Variants in SPTBN1 observed in about 807,000 individuals in gnomAD.
SPTBN1 encodes spectrin beta, non-erythrocytic 1, also known as spectrin beta chain, non-erythrocytic 1.
Under a neutral mutation model 266.4 loss-of-function variants are expected in SPTBN1, and 32 were observed. That is an observed-to-expected ratio of 0.12 (90% CI 0.09 to 0.16). The LOEUF (loss-of-function observed/expected upper bound fraction) is 0.16. SPTBN1 is among the 10% of genes least tolerant of loss of function. The pLI is 1.00. For synonymous variants in SPTBN1, 1,336 were observed against 1,162.2 expected, an observed-to-expected ratio of 1.15 and a Z score of -3.04; for missense variants, 2,296 against 3,067.1, an observed-to-expected ratio of 0.75 and a Z score of 5.94.
intron 2 of SPTBN1, among the ~76,000 whole-genome samples, chr2:54,538,396 T>G (rs544621155): frequency 6.6e-6 from 1 of 152,226 alleles, no homozygotes; most frequent in African/African-American, 2.4e-5. Context: ...CTAGATTCTT[T>G]AGCAGTACAG....
chr2:54,460,504 T>C (rs546245933), intron 1 of SPTBN1, among the ~76,000 whole-genome samples: 3 of 152,260 alleles, frequency 2.0e-5, no homozygotes, highest in East Asian at 3.9e-4. Flanking sequence ...GAAAAAGGCA[T>C]TGGTTTTGAG....
intron 1 of SPTBN1, among the ~76,000 whole-genome samples, chr2:54,485,178 C>CCCTCTCCCTCTCCCTCCGTCTG (rs1668292525): frequency 1.3e-5 from 2 of 151,772 alleles, no homozygotes; most frequent in Non-Finnish European, 2.9e-5. Flanking sequence ...CCCTCCGTCT[C>CCCTCTCCCTCTCCCTCCGTCTG]CCTCTCCGTC....
Position 54,519,490 on chromosome 2 carries a change from A to C in SPTBN1, c.-47-6882A>C, listed in dbSNP as rs79885499. On this transcript the variant is annotated intron_variant, in intron 1 of 35. Transcript: ENST00000356805. Reference sequence around the variant, plus strand: ...CTGAGCTAGGATTTGCAGGAAGAGCAAAGAGCTGTTCCAGGTGATAGGTTT... The same window carrying C: ...CTGAGCTAGGATTTGCAGGAAGAGCCAAGAGCTGTTCCAGGTGATAGGTTT... Among the ~76,000 whole-genome samples the C allele has an allele frequency of 1.4e-4, 22 of 152,306 alleles. No homozygotes were observed. In the East Asian group the frequency reaches 3.7e-3, roughly 25 times the overall value.
intron 1 of SPTBN1, among the ~76,000 whole-genome samples, chr2:54,522,657 A>AG (rs1245688322): frequency 3.5e-4 from 31 of 89,550 alleles, no homozygotes; most frequent in South Asian, 2.9e-3. Context: ...AGAGAGAGAG[A>AG]AAGAGAGAGA....
In SPTBN1 at chr2:54,642,064, T is replaced by A. The variant is rs890372228; in HGVS notation, c.3859-919T>A. Among the ~76,000 whole-genome samples the A allele has an allele frequency of 3.3e-5, 5 of 152,308 alleles. No homozygotes were observed. In the South Asian group the frequency reaches 1.0e-3, roughly 32 times the overall value. ...CAGGCTGGCTCTGCATTCTTTTGTG[T>A]ATCTTCAGCCTGGGCAAACAAAAAG... On this transcript the variant is annotated intron_variant, in intron 18 of 35. Transcript: ENST00000356805.
intron 3 of SPTBN1, among the ~76,000 whole-genome samples, chr2:54,608,698 G>T (rs555119060): frequency 2.6e-5 from 4 of 151,214 alleles, no homozygotes; most frequent in African/African-American, 9.7e-5. Flanking sequence ...GTGCATGCGC[G>T]CACGAGTGCG....
In SPTBN1 at chr2:54,659,225, G is replaced by A. The variant is rs773205225; in HGVS notation, c.6315G>A (p.Pro2105=). 1.9e-5 allele frequency: 30 copies of A among 1,613,962 alleles called. No homozygotes were observed. Among genetic ancestry groups the A allele is most frequent in the East Asian group, 1.3e-4 (6 of 44,884 alleles). ...ERKRRPPSPE[P]STKVSEEAES... The stretch of plus-strand genomic sequence containing the variant: ...AGAGGCGGCCGCCTTCTCCCGAGCC[G>A]AGCACGAAGGTTTCAGAGGAAGCCG... Residue 2105 remains proline (P), a synonymous_variant, in exon 31 of 36, where the codon CCG becomes CCA. Coordinates refer to ENST00000356805, the MANE Select transcript of SPTBN1 (RefSeq NM_003128.3).
At chr2:54,651,574 T>G (rs1680293307) in intron 26 of SPTBN1, among the ~76,000 whole-genome samples, 1 of 152,234 alleles carries the variant, frequency 6.6e-6, no homozygotes, top group Admixed American at 6.5e-5. Flanking sequence ...GCTGTGGGAA[T>G]GACACATAGC....
chr2:54,636,379 TAACA>T (rs1679135405), intron 17 of SPTBN1, among the ~76,000 whole-genome samples: 1 of 152,234 alleles, frequency 6.6e-6, no homozygotes, highest in Non-Finnish European at 1.5e-5. Flanking sequence ...TATGATGTTA[TAACA>T]TGTAAATATG....
chr2:54,569,245 G>A (rs1673890612), intron 2 of SPTBN1, among the ~76,000 whole-genome samples: 1 of 152,176 alleles, frequency 6.6e-6, no homozygotes, highest in Non-Finnish European at 1.5e-5. Context: ...TGATGGAAGG[G>A]TTGTGGCCAG....
At chr2:54,633,420 TGTGTGC>T (rs1422971949) in intron 17 of SPTBN1, among the ~76,000 whole-genome samples, 1 of 138,780 alleles carries the variant, frequency 7.2e-6, no homozygotes, top group Non-Finnish European at 1.6e-5. Flanking sequence ...TGTGTGTGTG[TGTGTGC>T]GTGTGTGTGT....
At position 54,493,416 on chromosome 2, in the gene SPTBN1, G is replaced by GGGGGGC. The variant is rs563809123; in HGVS notation, c.-47-32954_-47-32953insGGGCGG. Among the ~76,000 whole-genome samples, 12 of 150,416 alleles carry GGGGGGC rather than the reference G, an allele frequency of 8.0e-5. No individual in the cohort carries two copies. In the East Asian group the frequency reaches 1.4e-3, roughly 18 times the overall value. On this transcript the variant is annotated intron_variant, in intron 1 of 35. Coordinates refer to ENST00000356805, the MANE Select transcript of SPTBN1 (RefSeq NM_003128.3). ...TGTGTTTTGTGTTTTCTTTTTTGGG[G>GGGGGGC]GGTTGGGGGAGACAGTCTAACTCTT...
chr2:54,666,501 C>T (rs1474358823), intron 34 of SPTBN1, among the ~76,000 whole-genome samples: 1 of 152,184 alleles, frequency 6.6e-6, no homozygotes, highest in South Asian at 2.1e-4. Flanking sequence ...TCAAGTGAGT[C>T]ATCCTGGAGC....
intron 34 of SPTBN1, 128 bp from the exon 35 acceptor site, chr2:54,667,476 C>A: frequency 2.5e-6 from 2 of 797,570 alleles, no homozygotes; most frequent in Non-Finnish European, 4.0e-6. Context: ...TTGGTGGTGA[C>A]ATATGTAGGT....
chr2:54,666,669 G>A (rs961669190), intron 34 of SPTBN1, among the ~76,000 whole-genome samples: 2 of 152,190 alleles, frequency 1.3e-5, no homozygotes, highest in African/African-American at 4.8e-5. Context: ...GCTAAGCTCA[G>A]AATTTCTCCT....
chr2:54,619,693 T>C (rs1403084582), intron 7 of SPTBN1, among the ~76,000 whole-genome samples: 1 of 152,228 alleles, frequency 6.6e-6, no homozygotes, highest in African/African-American at 2.4e-5. Flanking sequence ...GTTGATTAAA[T>C]TGTATACCTA....
intron 1 of SPTBN1, among the ~76,000 whole-genome samples, chr2:54,471,949 C>G (rs1356760979): frequency 6.7e-6 from 1 of 149,414 alleles, no homozygotes; most frequent in Non-Finnish European, 1.5e-5. Context: ...TGTAGTTCTT[C>G]TGCTCTGCTC....
chr2:54,474,773 A>T (rs1352247594), intron 1 of SPTBN1, among the ~76,000 whole-genome samples: 2 of 152,118 alleles, frequency 1.3e-5, no homozygotes, highest in Non-Finnish European at 2.9e-5. Context: ...AATGGATGAG[A>T]TTCCTTGTGA....
intron 1 of SPTBN1, among the ~76,000 whole-genome samples, chr2:54,467,013 C>T (rs999341442): frequency 4.0e-5 from 6 of 151,828 alleles, no homozygotes; most frequent in African/African-American, 7.3e-5. Context: ...GCCGAGAGAG[C>T]GCCTGACAGA....
Sources: allele counts gnomAD v4.1 joint callset (sites outside exome capture counted in the v4.1 genomes callset), GRCh38; gene constraint gnomAD v4.1.1; transcripts MANE v1.5; gene names NCBI Gene and HGNC (gene_info 2026-07-23, HGNC 2026-07-21).